The following CSMD1 variants were observed in gnomAD, a reference collection of about 807,000 sequenced individuals.
CSMD1 encodes the protein CUB and Sushi multiple domains 1, also known as CUB and sushi domain-containing protein 1.
A neutral mutation model predicts 417.5 loss-of-function variants in CSMD1; 213 were observed. The ratio of observed to expected loss-of-function variants is 0.51; its 90% CI spans 0.46 to 0.57. The LOEUF is 0.57. CSMD1 is among the 20% of genes least tolerant of loss of function. CSMD1 has a pLI of 0.00. For missense variants in CSMD1, 6,923 were observed against 4,529.7 expected (o/e 1.53, Z -15.17); for synonymous variants, 2,862 against 1,736.8 (o/e 1.65, Z -16.11).
At chr8:3,536,667 G>C (rs746185781) in intron 10 of CSMD1, among the ~76,000 whole-genome samples, 1 of 152,188 alleles carries the variant, frequency 6.6e-6, no homozygotes, top group Non-Finnish European at 1.5e-5. Context: ...GTGGTCAGAA[G>C]TGTAGGCACA....
rs530961744 is a variant in CSMD1 at position 3,423,815 on chromosome 8, C to T, written c.1562-14210G>A. Among the ~76,000 whole-genome samples, 12 of 152,312 alleles carry T rather than the reference C, an allele frequency of 7.9e-5. No homozygotes were observed. In the South Asian group the frequency reaches 1.7e-3, roughly 21 times the overall value. ...TTTTGGTGAATGGGTACTCCCTCAG[C>T]GACCTTGTCTCTCCTCACAACTGGG... On this transcript the variant is annotated intron_variant, in intron 12 of 69. Coordinates refer to ENST00000635120, the MANE Select transcript of CSMD1 (RefSeq NM_033225.6).
chr8:4,390,735 G>A (rs143052792), intron 3 of CSMD1, among the ~76,000 whole-genome samples: 8 of 151,632 alleles, frequency 5.3e-5, no homozygotes, highest in South Asian at 4.2e-4. Context: ...GGATGGTCTC[G>A]ATCTTCTGAC....
intron 1 of CSMD1, among the ~76,000 whole-genome samples, chr8:4,706,615 A>G (rs1807954711): frequency 6.6e-6 from 1 of 152,260 alleles, no homozygotes; most frequent in Non-Finnish European, 1.5e-5. Flanking sequence ...GTGTCTAGTT[A>G]GTATAAACAG....
chr8:3,820,927 AT>A (rs1229907029), intron 5 of CSMD1, among the ~76,000 whole-genome samples: 4 of 151,276 alleles, frequency 2.6e-5, no homozygotes, highest in African/African-American at 7.3e-5. Context: ...CTTTTTTTTA[AT>A]TTTTTGAGCC....
chr8:3,173,469 G>C (rs1563109690), intron 37 of CSMD1, among the ~76,000 whole-genome samples: 1 of 152,202 alleles, frequency 6.6e-6, no homozygotes, highest in Non-Finnish European at 1.5e-5. Context: ...GGAATGCATT[G>C]TTTGTGGCCA....
chr8:3,793,086 A>T (rs1429166199), intron 5 of CSMD1, among the ~76,000 whole-genome samples: 3 of 152,156 alleles, frequency 2.0e-5, no homozygotes, highest in Non-Finnish European at 4.4e-5. Context: ...AGGGGCAATT[A>T]ACACTTCCAA....
intron 10 of CSMD1, among the ~76,000 whole-genome samples, chr8:3,564,385 T>G (rs936408585): frequency 6.6e-6 from 1 of 152,206 alleles, no homozygotes; most frequent in Non-Finnish European, 1.5e-5. Flanking sequence ...TAGACATTCA[T>G]TCACTCACAC....
At chr8:4,000,486 C>G (rs1815581644) in intron 4 of CSMD1, among the ~76,000 whole-genome samples, 1 of 152,168 alleles carries the variant, frequency 6.6e-6, no homozygotes, top group Admixed American at 6.5e-5. Flanking sequence ...TACTGAGATT[C>G]AGATATTGGG....
intron 6 of CSMD1, among the ~76,000 whole-genome samples, chr8:3,745,616 C>T (rs931448505): frequency 6.6e-6 from 1 of 152,196 alleles, no homozygotes; most frequent in African/African-American, 2.4e-5. Flanking sequence ...TCATTCTGAG[C>T]ACTCCACTGA....
chr8:3,660,963 G>A (rs1307010565), intron 7 of CSMD1, among the ~76,000 whole-genome samples: 8 of 152,186 alleles, frequency 5.3e-5, no homozygotes, highest in Admixed American at 1.3e-4. Context: ...CAGGTGTGAA[G>A]CAGAGGTGAG....
intron 25 of CSMD1, among the ~76,000 whole-genome samples, chr8:3,299,414 T>G (rs554206738): frequency 6.6e-6 from 1 of 152,232 alleles, no homozygotes; most frequent in African/African-American, 2.4e-5. Flanking sequence ...ATCACGCTAT[T>G]GCACTCCAGC....
At chr8:4,012,337 TCTCTTCAC>T (rs1816607925) in intron 4 of CSMD1, among the ~76,000 whole-genome samples, 1 of 152,176 alleles carries the variant, frequency 6.6e-6, no homozygotes, top group Non-Finnish European at 1.5e-5. Context: ...CAAGATTCAT[TCTCTTCAC>T]CTCTTCTCTT....
intron 5 of CSMD1, among the ~76,000 whole-genome samples, chr8:3,802,475 A>T (rs78138634): frequency 0.032 from 4,807 of 152,260 alleles, 180 homozygotes; most frequent in African/African-American, 0.086. Flanking sequence ...CATAAGTATC[A>T]ACTTCATTCA....
chr8:3,772,540 TACAC>T (rs1239704859), intron 5 of CSMD1, among the ~76,000 whole-genome samples: 2 of 60,688 alleles, frequency 3.3e-5, no homozygotes, highest in East Asian at 4.8e-4. Flanking sequence ...TATACATATA[TACAC>T]ATATATACAT....
chr8:3,193,476 G>A (rs1162695002), intron 33 of CSMD1, among the ~76,000 whole-genome samples: 1 of 152,086 alleles, frequency 6.6e-6, no homozygotes, highest in Non-Finnish European at 1.5e-5. Context: ...GCGGGTGGGT[G>A]GAAATCAGAC....
intron 1 of CSMD1, among the ~76,000 whole-genome samples, chr8:4,668,515 T>C (rs2130940154): frequency 6.6e-6 from 1 of 150,916 alleles, no homozygotes; most frequent in East Asian, 2.0e-4. Flanking sequence ...AGTGGCACGA[T>C]CTCAGCTCAC....
At chr8:2,968,207 A>C (rs111783994) in intron 57 of CSMD1, among the ~76,000 whole-genome samples, 94 of 152,232 alleles carry the variant, frequency 6.2e-4, no homozygotes, top group African/African-American at 2.2e-3. Context: ...TCATTCAACA[A>C]ACACATATTC....
chr8:2,973,480 AT>A (rs1804640045), intron 56 of CSMD1, among the ~76,000 whole-genome samples, 181 bp from the exon 57 acceptor site: 1 of 152,236 alleles, frequency 6.6e-6, no homozygotes, highest in African/African-American at 2.4e-5. Context: ...AATGAAAAGA[AT>A]TTAGGATGTG....
At chr8:3,667,457 G>A (rs373519462) in intron 7 of CSMD1, among the ~76,000 whole-genome samples, 2 of 152,072 alleles carry the variant, frequency 1.3e-5, no homozygotes, top group African/African-American at 4.8e-5. Context: ...AAGGCCTTGG[G>A]GCACTACAGC....
Sources: allele counts gnomAD v4.1 joint callset (sites outside exome capture counted in the v4.1 genomes callset), GRCh38; gene constraint gnomAD v4.1.1; transcripts MANE v1.5; gene names NCBI Gene and HGNC (gene_info 2026-07-23, HGNC 2026-07-21).